Variants in THEMIS observed in about 807,000 individuals in gnomAD.
THEMIS encodes thymocyte selection associated.
A neutral mutation model predicts 52.6 loss-of-function variants in THEMIS; 37 were observed. The ratio of observed to expected loss-of-function variants is 0.70; its 90% confidence interval spans 0.54 to 0.93. THEMIS has a LOEUF of 0.93. THEMIS is among the 40% of genes least tolerant of loss of function. THEMIS has a pLI of 0.00. For synonymous variants in THEMIS, 292 were observed against 272.7 expected, an observed-to-expected ratio of 1.07 and a Z score of -0.70; for missense variants, 808 against 763.1, an observed-to-expected ratio of 1.06 and a Z score of -0.69.
chr6:127,857,652 C>T (rs1779662465), intron 1 of THEMIS, among the ~76,000 whole-genome samples: 1 of 152,020 alleles, frequency 6.6e-6, no homozygotes, highest in Non-Finnish European at 1.5e-5. Flanking sequence ...TAAGTGTTTG[C>T]TATACAAACC....
At chr6:127,774,497 GC>G (rs1416357372) in intron 4 of THEMIS, among the ~76,000 whole-genome samples, 3 of 152,130 alleles carry the variant, frequency 2.0e-5, no homozygotes, top group Non-Finnish European at 4.4e-5. Flanking sequence ...GAGCCACTGC[GC>G]CCGGCCAGAA....
At chr6:127,833,108 T>C (rs964006107) in intron 2 of THEMIS, among the ~76,000 whole-genome samples, 1 of 151,964 alleles carries the variant, frequency 6.6e-6, no homozygotes, top group African/African-American at 2.4e-5. Flanking sequence ...ATAAATTTTA[T>C]TGTTATTTTT....
chr6:127,860,486 C>T (rs1302496232), intron 1 of THEMIS, among the ~76,000 whole-genome samples: 1 of 151,988 alleles, frequency 6.6e-6, no homozygotes, highest in East Asian at 1.9e-4. Context: ...GGTAAAATCT[C>T]CCTAACCTCT....
rs1039456613 is a variant in THEMIS, at chr6:127,799,654, C to T, written c.1758+13229G>A. 1.1e-4 allele frequency among the ~76,000 whole-genome samples: 17 copies of T among 150,424 alleles called. 1 individual carries two copies. The highest frequency in any genetic ancestry group is 1.3e-4 in the Admixed American group (2 of 15,002). On this transcript the variant is annotated intron_variant, in intron 4 of 5. Coordinates refer to ENST00000368248, the MANE Select transcript of THEMIS (RefSeq NM_001010923.3). ...TAGTTCTTATATTGTTCACTAGTAC[C>T]CAGTTTCCCTCTACTTTCAGGCTTA...
At chr6:127,844,306 A>G (rs538766425) in intron 2 of THEMIS, among the ~76,000 whole-genome samples, 38 of 152,058 alleles carry the variant, frequency 2.5e-4, no homozygotes, top group South Asian at 1.2e-3. Context: ...AAATATTAAG[A>G]ACAATGTCTG....
chr6:127,821,790 T>C (rs993965878), intron 3 of THEMIS, among the ~76,000 whole-genome samples: 2 of 152,002 alleles, frequency 1.3e-5, no homozygotes, highest in Admixed American at 1.3e-4. Context: ...CAACATATGT[T>C]TCCCTGGATA....
intron 1 of THEMIS, among the ~76,000 whole-genome samples, chr6:127,885,092 C>T (rs1482896846): frequency 6.6e-6 from 1 of 151,990 alleles, no homozygotes; most frequent in African/African-American, 2.4e-5. Flanking sequence ...GGGGAGAATA[C>T]ATTCAGTCCA....
At chr6:127,770,776 C>T (rs911455504) in intron 4 of THEMIS, among the ~76,000 whole-genome samples, 4 of 152,028 alleles carry the variant, frequency 2.6e-5, no homozygotes, top group Admixed American at 6.6e-5. Context: ...GTCTTTAATC[C>T]ATCTTGAATT....
intron 1 of THEMIS, among the ~76,000 whole-genome samples, chr6:127,887,264 A>G (rs1349796799): frequency 1.3e-5 from 2 of 152,146 alleles, no homozygotes; most frequent in African/African-American, 2.4e-5. Flanking sequence ...ACTGCTAATA[A>G]GCATAAGAAA....
chr6:127,758,234 A>C (rs1370568643), intron 4 of THEMIS, among the ~76,000 whole-genome samples: 1 of 150,826 alleles, frequency 6.6e-6, no homozygotes, highest in Non-Finnish European at 1.5e-5. Context: ...TGGTTGATAG[A>C]GTTGGACTGT....
chr6:127,918,456 T>C (rs1437293183), exon 1 of THEMIS: 9 of 152,186 alleles, frequency 5.9e-5, no homozygotes. Context: ...ATGTTAATGA[T>C]CATTATCTGC....
At chr6:127,899,400 GA>G (rs1246241369) in intron 1 of THEMIS, among the ~76,000 whole-genome samples, 3 of 151,308 alleles carry the variant, frequency 2.0e-5, no homozygotes, top group African/African-American at 7.3e-5. Flanking sequence ...GGGCAGCTAA[GA>G]AAAAAAATAA....
At chr6:127,771,429 G>C (rs962652189) in intron 4 of THEMIS, among the ~76,000 whole-genome samples, 1 of 151,880 alleles carries the variant, frequency 6.6e-6, no homozygotes, top group Non-Finnish European at 1.5e-5. Context: ...AGTTCATATG[G>C]AACCAAAAAA....
chr6:127,737,242 C>T (rs1775041612), intron 4 of THEMIS, among the ~76,000 whole-genome samples: 1 of 152,128 alleles, frequency 6.6e-6, no homozygotes, highest in African/African-American at 2.4e-5. Flanking sequence ...GATTTCATGG[C>T]TTTAGGATTA....
At chr6:127,832,764 A>G (rs1778737999) in intron 2 of THEMIS, among the ~76,000 whole-genome samples, 1 of 133,440 alleles carries the variant, frequency 7.5e-6, no homozygotes, top group Admixed American at 7.5e-5. Context: ...ATTTCCACCT[A>G]GGATTGTCAG....
chr6:127,785,429 A>C (rs968853013), intron 4 of THEMIS, among the ~76,000 whole-genome samples: 1 of 151,950 alleles, frequency 6.6e-6, no homozygotes, highest in Non-Finnish European at 1.5e-5. Context: ...ACAAACCTGC[A>C]CGTTGTGCAC....
intron 1 of THEMIS, chr6:127,868,454 C>T: frequency 2.0e-6 from 2 of 985,370 alleles, no homozygotes; most frequent in Non-Finnish European, 2.4e-6. Context: ...GATAAAGACA[C>T]CTTCAAGATC....
chr6:127,890,141 T>C (rs1780759400), intron 1 of THEMIS, among the ~76,000 whole-genome samples: 1 of 152,184 alleles, frequency 6.6e-6, no homozygotes, highest in Non-Finnish European at 1.5e-5. Flanking sequence ...GTAGATTACA[T>C]ACAATGTATA....
At chr6:127,834,350 T>A (rs1486211095) in intron 2 of THEMIS, among the ~76,000 whole-genome samples, 1 of 145,178 alleles carries the variant, frequency 6.9e-6, no homozygotes, top group African/African-American at 2.6e-5. Flanking sequence ...CGGGGACAAA[T>A]CATTTGAGGT....
Sources: allele counts gnomAD v4.1 joint callset (sites outside exome capture counted in the v4.1 genomes callset), GRCh38; gene constraint gnomAD v4.1.1; transcripts MANE v1.5; gene names NCBI Gene and HGNC (gene_info 2026-07-23, HGNC 2026-07-21).